The following KCNV2 variants were observed in gnomAD, a reference collection of about 807,000 sequenced individuals.
The protein encoded by KCNV2 is potassium voltage-gated channel subfamily V member 2.
A neutral mutation model predicts 37.0 loss-of-function variants in KCNV2; 65 were observed. The ratio of observed to expected loss-of-function variants is 1.76; its 90% CI spans 1.44 to 2.16. The LOEUF is 2.16. Ranked by LOEUF, KCNV2 falls within the 30% of genes most tolerant of loss-of-function variation. The probability of loss-of-function intolerance (pLI) is 0.00; values close to 1 mark genes in which losing one functional copy is unlikely to be tolerated. For missense variants in KCNV2, 1,232 were observed against 766.7 expected, an observed-to-expected ratio of 1.61 and a Z score of -7.17; for synonymous variants, 518 against 328.6, an observed-to-expected ratio of 1.58 and a Z score of -6.23.
chr9:2,728,197 T>G (rs2130868322), intron 1 of KCNV2, among the ~76,000 whole-genome samples: 1 of 152,194 alleles, frequency 6.6e-6, no homozygotes, highest in South Asian at 2.1e-4. Flanking sequence ...ACAAAAATAT[T>G]TACACTGCTA....
chr9:2,725,700 A>G (rs1477389060), intron 1 of KCNV2, among the ~76,000 whole-genome samples: 1 of 152,030 alleles, frequency 6.6e-6, no homozygotes, highest in African/African-American at 2.4e-5. Flanking sequence ...TGGAAAACAG[A>G]AAGAGTGTTA....
Position 2,718,719 on chromosome 9 carries a change from T to G in KCNV2, c.980T>G (p.Leu327Arg). Reference sequence around the variant, plus strand: ...CTGCGCCTAGCCTCCACGCCCGACCTGAGGCGCTTCGCGCGCAGCGCCCTC... The same window carrying G: ...CTGCGCCTAGCCTCCACGCCCGACCGGAGGCGCTTCGCGCGCAGCGCCCTC... ...YLLRLASTPDLRRFARSALNL... is the reference protein window; with the variant it reads ...YLLRLASTPDRRRFARSALNL... The change falls in exon 1 of 2, where the codon CTG becomes CGG. Residue 327 changes from leucine (L) to arginine (R), a missense_variant. Transcript: ENST00000382082. The G allele has an allele frequency of 2.5e-6, 4 of 1,612,946 alleles. No individual in the cohort carries two copies. The highest frequency in any genetic ancestry group is 3.4e-6 in the Non-Finnish European group (4 of 1,179,858).
intron 1 of KCNV2, chr9:2,720,618 A>G (rs1819848870): frequency 6.6e-6 from 1 of 152,232 alleles, no homozygotes. Flanking sequence ...GGGTGACTAA[A>G]GCAGGAAAGC....
rs555851208 is a variant in KCNV2, at chr9:2,724,620, A to G, written c.1357-4826A>G. Among the ~76,000 whole-genome samples the G allele has an allele frequency of 2.8e-4, 43 of 152,336 alleles. No individual in the cohort carries two copies. In the South Asian group the frequency reaches 8.1e-3, roughly 29 times the overall value. The stretch of plus-strand genomic sequence containing the variant: ...GGAGGGGCCTCTGTGTAGCTGTTGC[A>G]AGGACTCCTAAATTGGCACCATGAG... On this transcript the variant is annotated intron_variant, in intron 1 of 1. Coordinates refer to ENST00000382082, the MANE Select transcript of KCNV2 (RefSeq NM_133497.4).
chr9:2,722,307 A>C lies in KCNV2; in HGVS notation c.1356+3212A>C, dbSNP rs538639537. 3.0e-4 allele frequency among the ~76,000 whole-genome samples: 39 copies of C among 128,922 alleles called. 1 individual carries two copies. The South Asian group carries it at 5.5e-3, about 18-fold the overall frequency. The allele number at this position is 128,922 out of a possible 152,430, so 84.6% of individuals were successfully genotyped here. A position where few individuals can be genotyped will look rare whatever the true frequency, so the allele number is the denominator to read the frequency against. On this transcript the variant is annotated intron_variant, in intron 1 of 1. Transcript: ENST00000382082. ...AATTAGAAGTTATTTATAAATTAGAAGTTATTTATAAATAAATTAGAAGTT... is the reference window on the plus strand; with the variant it reads ...AATTAGAAGTTATTTATAAATTAGACGTTATTTATAAATAAATTAGAAGTT...
At chr9:2,720,248 A>G (rs1385470995) in intron 1 of KCNV2, among the ~76,000 whole-genome samples, 1 of 152,154 alleles carries the variant, frequency 6.6e-6, no homozygotes, top group East Asian at 1.9e-4. Flanking sequence ...GATTTAGAAA[A>G]CCTGATTCTA....
Position 2,718,684 on chromosome 9 carries a change from C to T in KCNV2, c.945C>T (p.Leu315=). The T allele has an allele frequency of 6.2e-7, 1 of 1,613,346 alleles. No homozygotes were observed. The highest frequency in any genetic ancestry group is 1.1e-5 in the South Asian group (1 of 91,082). The stretch of plus-strand genomic sequence containing the variant: ...TGCTGTGCATGGGCTTCTTCACGCT[C>T]GAGTACCTGCTGCGCCTAGCCTCCA... The part of the protein sequence containing the change: ...VEMLCMGFFT[L]EYLLRLASTP... Residue 315 remains leucine (L), a synonymous_variant, in exon 1 of 2, where the codon CTC becomes CTT. Transcript: ENST00000382082.
chr9:2,719,031 CTG>C lies in KCNV2; in HGVS notation c.1295_1296del (p.Val432GlyfsTer66), dbSNP rs1318199256. ...TTCACTTTCTCTGCGGCTGTCTACT[CTG>C]TGGAGCACGATGTGCCCAGCACCAA... On this transcript the variant is annotated frameshift_variant, in exon 1 of 2. Coordinates refer to ENST00000382082, the MANE Select transcript of KCNV2 (RefSeq NM_133497.4). LOFTEE classifies it high-confidence loss of function. The C allele has an allele frequency of 6.2e-7, 1 of 1,612,844 alleles. No individual in the cohort carries two copies. Among genetic ancestry groups the C allele is most frequent in the Non-Finnish European group, 8.5e-7 (1 of 1,180,042 alleles).
At chr9:2,721,251 C>T (rs952533408) in intron 1 of KCNV2, among the ~76,000 whole-genome samples, 11 of 152,176 alleles carry the variant, frequency 7.2e-5, no homozygotes, top group African/African-American at 2.6e-4. Context: ...TTATTTATAC[C>T]AGTAAAATTC....
At chr9:2,724,498 T>G (rs1393016206) in intron 1 of KCNV2, among the ~76,000 whole-genome samples, 2 of 152,196 alleles carry the variant, frequency 1.3e-5, no homozygotes, top group Non-Finnish European at 2.9e-5. Context: ...AAAACTGAGA[T>G]AATCCAGAGA....
In KCNV2 at chr9:2,718,103, C is replaced by T. The variant is rs761130319; in HGVS notation, c.364C>T (p.Arg122Cys). ...YCELAGFPKT[R>C]LGRLATSTSR... ...CGAGCTGGCCGGCTTCCCCAAGACGCGCCTAGGTCGCCTGGCCACCTCCAC... is the reference window on the plus strand; with the variant it reads ...CGAGCTGGCCGGCTTCCCCAAGACGTGCCTAGGTCGCCTGGCCACCTCCAC... The change falls in exon 1 of 2, where the codon CGC becomes TGC. Residue 122 changes from arginine (R) to cysteine (C), a missense_variant. By Grantham distance (180) the Arg-to-Cys change is radical. Coordinates refer to ENST00000382082, the MANE Select transcript of KCNV2 (RefSeq NM_133497.4). The T allele has an allele frequency of 1.9e-6, 3 of 1,598,522 alleles. No individual in the cohort carries two copies. Among genetic ancestry groups the T allele is most frequent in the South Asian group, 1.1e-5 (1 of 89,518 alleles).
Position 2,729,475 on chromosome 9 carries a change from C to T in KCNV2, c.1386C>T (p.Asp462=), listed in dbSNP as rs41312842. The T allele has an allele frequency of 0.07, 113,382 of 1,613,786 alleles. 4,479 individuals are homozygous for T. Among genetic ancestry groups the T allele is most frequent in the Admixed American group, 0.13 (7,586 of 60,018 alleles). The change falls in exon 2 of 2, where the codon GAC becomes GAT. Residue 462 remains aspartate (D), a synonymous_variant. Coordinates refer to ENST00000382082, the MANE Select transcript of KCNV2 (RefSeq NM_133497.4). The part of the protein sequence containing the change: ...AVSISTVGYG[D]MYPETHLGRF... The stretch of plus-strand genomic sequence containing the variant: ...GCATCTCCACCGTGGGCTACGGAGA[C>T]ATGTACCCAGAGACCCACCTGGGCA...
In KCNV2 at chr9:2,725,140, A is replaced by G. The variant is rs74491851; in HGVS notation, c.1357-4306A>G. 9.3e-3 allele frequency among the ~76,000 whole-genome samples: 1,424 copies of G among 152,336 alleles called. 23 individuals carry two copies. Among genetic ancestry groups the G allele is most frequent in the African/African-American group, 0.032 (1,343 of 41,572 alleles). On this transcript the variant is annotated intron_variant, in intron 1 of 1. Coordinates refer to ENST00000382082, the MANE Select transcript of KCNV2 (RefSeq NM_133497.4). Reference sequence around the variant, plus strand: ...CAGGGAAGCTGAGGGTGTGGACAGCATCATTATTGCGCACCTTTCTGTGGA... The same window carrying G: ...CAGGGAAGCTGAGGGTGTGGACAGCGTCATTATTGCGCACCTTTCTGTGGA...
rs774250227 is a variant in KCNV2, at chr9:2,718,548, T to C, written c.809T>C (p.Val270Ala). 3 of 1,612,022 alleles carry C rather than the reference T, an allele frequency of 1.9e-6. No individual in the cohort carries two copies. Among genetic ancestry groups the C allele is most frequent in the African/African-American group, 2.7e-5 (2 of 74,928 alleles). Residue 270 changes from valine (V) to alanine (A), a missense_variant, in exon 1 of 2, where the codon GTG (valine) becomes GCG (alanine). Physicochemically the swap from Val to Ala is moderately conservative, Grantham distance 64. Coordinates refer to ENST00000382082, the MANE Select transcript of KCNV2 (RefSeq NM_133497.4). ...KAIGVASSTF[V>A]LVSVVALALN... ...ATCGGGGTGGCCTCCAGCACCTTCGTGCTCGTCTCCGTGGTGGCGCTGGCG... is the reference window on the plus strand; with the variant it reads ...ATCGGGGTGGCCTCCAGCACCTTCGCGCTCGTCTCCGTGGTGGCGCTGGCG...
intron 1 of KCNV2, among the ~76,000 whole-genome samples, chr9:2,726,135 C>T (rs1367632326): frequency 6.6e-6 from 1 of 152,136 alleles, no homozygotes; most frequent in Admixed American, 6.5e-5. Context: ...TTGGGTCAGT[C>T]TGGGGCCTTC....
At chr9:2,724,171 A>G (rs1324801173) in intron 1 of KCNV2, among the ~76,000 whole-genome samples, 1 of 152,064 alleles carries the variant, frequency 6.6e-6, no homozygotes, top group East Asian at 1.9e-4. Flanking sequence ...TCACTCCTTC[A>G]AAAACTAACT....
rs143936775 is a variant in KCNV2, at chr9:2,718,130, A to G, written c.391A>G (p.Ser131Gly). 4 of 1,607,152 alleles carry G rather than the reference A, an allele frequency of 2.5e-6. No individual in the cohort carries two copies. In the African/African-American group the frequency reaches 5.3e-5, roughly 21 times the overall value. ...TRLGRLATST[S>G]RSRQLSLCDD... ...CCTAGGTCGCCTGGCCACCTCCACC[A>G]GCCGCAGCCGCCAGCTAAGCCTGTG... The change falls in exon 1 of 2, where the codon AGC (serine) becomes GGC (glycine). Residue 131 changes from serine to glycine, a missense_variant. Transcript: ENST00000382082.
chr9:2,719,194 C>G, intron 1 of KCNV2, 99 bp downstream of exon 1: 1 of 1,327,424 alleles, frequency 7.5e-7, no homozygotes, highest in African/African-American at 1.4e-5. Context: ...GGCTTCTGAT[C>G]CTCGTCTTCC....
rs1032549027 is a variant in KCNV2, at chr9:2,717,655, G to A, written c.-85G>A. ...CTCTCTAAGACAGTGCAGGCCACGTGATCCATCCTCCTAGAGGCAGTGAGC... is the reference window on the plus strand; with the variant it reads ...CTCTCTAAGACAGTGCAGGCCACGTAATCCATCCTCCTAGAGGCAGTGAGC... On this transcript the variant is annotated 5_prime_UTR_variant, in exon 1 of 2. It removes the in-frame stop codon of an upstream open reading frame in the 5' UTR. Coordinates refer to ENST00000382082, the MANE Select transcript of KCNV2 (RefSeq NM_133497.4). The A allele has an allele frequency of 3.2e-6, 5 of 1,572,204 alleles. No individual in the cohort carries two copies. The African/African-American group carries it at 5.4e-5, about 17-fold the overall frequency.
Sources: gnomAD v4.1 joint callset for allele counts (sites outside exome capture counted in the v4.1 genomes callset) on GRCh38, gnomAD v4.1.1 for gene constraint, MANE v1.5 for transcripts, NCBI Gene and HGNC (gene_info 2026-07-23, HGNC 2026-07-21) for gene names.